Variants in BBX observed in about 807,000 individuals in gnomAD.
BBX encodes BBX high mobility group box domain containing.
BBX carries 30 observed loss-of-function variants against 100.2 expected under a neutral mutation model. The observed-to-expected ratio is 0.30, with a 90% confidence interval of 0.22 to 0.41. BBX has a LOEUF of 0.41. Ranked by LOEUF, BBX falls within the 10% of genes least tolerant of loss-of-function variation. The pLI is 1.00. For missense variants in BBX, 1,023 were observed against 1,129.8 expected (o/e 0.91, Z 1.35); for synonymous variants, 376 against 388.1 (o/e 0.97, Z 0.37).
chr3:107,556,570 G>A (rs1315320638), intron 2 of BBX, among the ~76,000 whole-genome samples: 4 of 152,094 alleles, frequency 2.6e-5, no homozygotes, highest in African/African-American at 9.7e-5. Flanking sequence ...TGGTTGTGCC[G>A]ATTTTCTGGT....
chr3:107,640,863 T>C (rs1296079274), intron 2 of BBX, among the ~76,000 whole-genome samples: 3 of 152,160 alleles, frequency 2.0e-5, no homozygotes, highest in African/African-American at 7.2e-5. Context: ...GGTTTCTCCA[T>C]GTTGGCCAGG....
chr3:107,674,104 A>G (rs1381923890), intron 3 of BBX, among the ~76,000 whole-genome samples: 3 of 152,188 alleles, frequency 2.0e-5, no homozygotes, highest in Non-Finnish European at 4.4e-5. Flanking sequence ...TTTCAAGGGA[A>G]AAGAACGTGT....
chr3:107,772,595 C>G (rs189422964), intron 10 of BBX, 33 bp from the exon 11 acceptor site: 2 of 1,530,314 alleles, frequency 1.3e-6, no homozygotes, highest in Non-Finnish European at 1.7e-6. Flanking sequence ...AGGATACTTT[C>G]GGGTGCTCTC....
At chr3:107,594,286 C>T (rs915680905) in intron 2 of BBX, among the ~76,000 whole-genome samples, 4 of 152,094 alleles carry the variant, frequency 2.6e-5, no homozygotes, top group Non-Finnish European at 5.9e-5. Flanking sequence ...TCATCCATTC[C>T]GCTGCACATT....
Position 107,566,400 on chromosome 3 carries a change from T to C in BBX, c.-84+40002T>C, listed in dbSNP as rs1324081275. Among the ~76,000 whole-genome samples the C allele has an allele frequency of 1.1e-4, 17 of 152,132 alleles. 1 individual carries two copies. The highest frequency in any genetic ancestry group is 7.4e-5 in the Non-Finnish European group (5 of 68,018). On this transcript the variant is annotated intron_variant, in intron 2 of 17. Coordinates refer to ENST00000325805, the MANE Select transcript of BBX (RefSeq NM_001142568.3). ...TCTACTTTGAAGTGTGAGTGGATAA[T>C]AACTTTGCTGTTCTTACAGCTTCTA...
intron 14 of BBX, among the ~76,000 whole-genome samples, chr3:107,790,138 G>A (rs2068850214): frequency 6.6e-6 from 1 of 152,092 alleles, no homozygotes; most frequent in African/African-American, 2.4e-5. Context: ...CTTCTCATCT[G>A]TATTTGGTGC....
At chr3:107,782,955 T>G (rs2068054699) in intron 13 of BBX, among the ~76,000 whole-genome samples, 1 of 152,144 alleles carries the variant, frequency 6.6e-6, no homozygotes, top group Admixed American at 6.6e-5. Flanking sequence ...ATATTTGTTT[T>G]CTGAATGATT....
intron 10 of BBX, among the ~76,000 whole-genome samples, chr3:107,763,518 T>G (rs1256321349): frequency 6.6e-6 from 1 of 152,196 alleles, no homozygotes; most frequent in Non-Finnish European, 1.5e-5. Flanking sequence ...CAAGGTTTAT[T>G]TTATCTTTAA....
intron 2 of BBX, among the ~76,000 whole-genome samples, chr3:107,540,056 T>C (rs1438694197): frequency 6.6e-6 from 1 of 152,218 alleles, no homozygotes; most frequent in African/African-American, 2.4e-5. Flanking sequence ...TGTTCACTGT[T>C]TTATCTCCTA....
chr3:107,580,911 G>A (rs534728167), intron 2 of BBX, among the ~76,000 whole-genome samples: 2 of 152,346 alleles, frequency 1.3e-5, no homozygotes, highest in South Asian at 2.1e-4. Context: ...CATTGTAGGC[G>A]TGAGCCGTCA....
intron 3 of BBX, among the ~76,000 whole-genome samples, chr3:107,678,230 G>GC (rs921163899): frequency 6.7e-6 from 1 of 149,450 alleles, no homozygotes; most frequent in Non-Finnish European, 1.5e-5. Flanking sequence ...TTTATATTTT[G>GC]CCCCCCACCC....
intron 2 of BBX, among the ~76,000 whole-genome samples, chr3:107,553,970 A>G (rs530542216): frequency 6.6e-6 from 1 of 152,272 alleles, no homozygotes; most frequent in African/African-American, 2.4e-5. Flanking sequence ...GATTCTCCAG[A>G]TAAGCAGTTA....
chr3:107,780,394 G>A (rs1273118461), intron 13 of BBX, among the ~76,000 whole-genome samples: 6 of 152,056 alleles, frequency 3.9e-5, no homozygotes, highest in Non-Finnish European at 7.4e-5. Flanking sequence ...CCTGAAGTTA[G>A]GATCTATTTT....
At chr3:107,725,763 A>C (rs1245974532) in intron 5 of BBX, among the ~76,000 whole-genome samples, 1 of 152,006 alleles carries the variant, frequency 6.6e-6, no homozygotes, top group African/African-American at 2.4e-5. Context: ...CAAGCACCAC[A>C]TGTAAGTCAG....
At chr3:107,638,741 A>C (rs1386132405) in intron 2 of BBX, among the ~76,000 whole-genome samples, 1 of 131,866 alleles carries the variant, frequency 7.6e-6, no homozygotes, top group Non-Finnish European at 1.6e-5. Context: ...GGTAACGTGG[A>C]GAAACCACTC....
chr3:107,646,307 G>A (rs561339723), intron 3 of BBX, among the ~76,000 whole-genome samples: 1 of 152,140 alleles, frequency 6.6e-6, no homozygotes, highest in Admixed American at 6.5e-5. Context: ...AATCAGTATC[G>A]AAGCATTATG....
intron 10 of BBX, among the ~76,000 whole-genome samples, chr3:107,757,586 A>C (rs2065584413): frequency 6.6e-6 from 1 of 152,186 alleles, no homozygotes; most frequent in Non-Finnish European, 1.5e-5. Flanking sequence ...GCACTGAATC[A>C]GTGTGATGTC....
At chr3:107,686,138 TCA>T (rs1206028684) in intron 3 of BBX, among the ~76,000 whole-genome samples, 3 of 152,224 alleles carry the variant, frequency 2.0e-5, no homozygotes, top group African/African-American at 4.8e-5. Flanking sequence ...TCAAGTAATC[TCA>T]GTTTTATAAT....
At chr3:107,786,969 C>A (rs1338572465) in intron 13 of BBX, among the ~76,000 whole-genome samples, 2 of 152,052 alleles carry the variant, frequency 1.3e-5, no homozygotes, top group Non-Finnish European at 2.9e-5. Context: ...TAAAAACGGG[C>A]AAGTGATCTG....
Sources: allele counts gnomAD v4.1 joint callset (sites outside exome capture counted in the v4.1 genomes callset), GRCh38; gene constraint gnomAD v4.1.1; transcripts MANE v1.5; gene names NCBI Gene and HGNC (gene_info 2026-07-23, HGNC 2026-07-21).